The following TMEM132C variants were observed in gnomAD, a reference collection of about 807,000 sequenced individuals.
TMEM132C encodes the protein transmembrane protein 132C, also known as protein phosphatase 1, regulatory subunit 152.
Under a neutral mutation model 61.4 loss-of-function variants are expected in TMEM132C, and 29 were observed. The observed-to-expected ratio is 0.47, with a 90% CI of 0.35 to 0.64. TMEM132C has a LOEUF of 0.64. Ranked by LOEUF, TMEM132C falls within the 30% of genes least tolerant of loss-of-function variation. The probability of loss-of-function intolerance (pLI) is 0.00; values close to 1 mark genes in which losing one functional copy is unlikely to be tolerated. For synonymous variants in TMEM132C, 656 were observed against 633.1 expected (o/e 1.04, Z -0.54); for missense variants, 1,408 against 1,476.9 (o/e 0.95, Z 0.76).
At chr12:128,324,468 G>A (rs777975650) in intron 1 of TMEM132C, among the ~76,000 whole-genome samples, 2 of 152,160 alleles carry the variant, frequency 1.3e-5, no homozygotes, top group African/African-American at 2.4e-5. Context: ...ATCCGTGTAT[G>A]TCTGTCATAG....
chr12:128,512,747 T>C (rs1872604622), intron 2 of TMEM132C, among the ~76,000 whole-genome samples: 2 of 152,152 alleles, frequency 1.3e-5, no homozygotes, highest in Non-Finnish European at 2.9e-5. Flanking sequence ...GTGGCACTGT[T>C]CCGCACCCAC....
intron 1 of TMEM132C, among the ~76,000 whole-genome samples, chr12:128,358,722 G>T (rs1252902293): frequency 6.6e-6 from 1 of 152,032 alleles, no homozygotes; most frequent in Admixed American, 6.6e-5. Flanking sequence ...GGCACTTATA[G>T]TGGGACGATG....
In TMEM132C at chr12:128,469,184, C is replaced by T. The variant is rs560419094; in HGVS notation, c.974+53564C>T. On this transcript the variant is annotated intron_variant, in intron 2 of 8. Coordinates refer to ENST00000435159, the MANE Select transcript of TMEM132C (RefSeq NM_001136103.3). Reference sequence around the variant, plus strand: ...CTGTCTTGGCAGCCTAAGCCATTTCCAGAAGAGATCTGGTGTTTCAGATAA... The same window carrying T: ...CTGTCTTGGCAGCCTAAGCCATTTCTAGAAGAGATCTGGTGTTTCAGATAA... 2.0e-5 allele frequency among the ~76,000 whole-genome samples: 3 copies of T among 152,246 alleles called. No individual in the cohort carries two copies. In the East Asian group the frequency reaches 5.8e-4, roughly 29 times the overall value.
At chr12:128,307,524 A>G (rs1406178783) in intron 1 of TMEM132C, among the ~76,000 whole-genome samples, 1 of 152,170 alleles carries the variant, frequency 6.6e-6, no homozygotes, top group Non-Finnish European at 1.5e-5. Context: ...ATAAATTTCT[A>G]TCAGGTGACA....
At chr12:128,679,789 T>C (rs1162769918) in intron 5 of TMEM132C, among the ~76,000 whole-genome samples, 2 of 152,196 alleles carry the variant, frequency 1.3e-5, no homozygotes, top group Non-Finnish European at 2.9e-5. Context: ...AGTATATAAG[T>C]AAACAAACAT....
At chr12:128,557,267 G>A (rs1874362612) in intron 3 of TMEM132C, among the ~76,000 whole-genome samples, 1 of 152,214 alleles carries the variant, frequency 6.6e-6, no homozygotes, top group Admixed American at 6.5e-5. Context: ...GCCAGAATGA[G>A]GAGTTTCTGC....
chr12:128,314,059 G>T (rs1356949252), intron 1 of TMEM132C, among the ~76,000 whole-genome samples: 1 of 152,134 alleles, frequency 6.6e-6, no homozygotes, highest in Admixed American at 6.5e-5. Flanking sequence ...AATGGTTAGG[G>T]TCCCTGGGAG....
intron 2 of TMEM132C, among the ~76,000 whole-genome samples, chr12:128,422,094 C>G (rs1354906307): frequency 6.6e-6 from 1 of 152,046 alleles, no homozygotes; most frequent in Admixed American, 6.5e-5. Flanking sequence ...GCATTATTTA[C>G]TTTTCCAAGG....
intron 3 of TMEM132C, among the ~76,000 whole-genome samples, chr12:128,557,081 T>C (rs147174101): frequency 4.7e-5 from 7 of 149,076 alleles, no homozygotes; most frequent in African/African-American, 1.6e-4. Context: ...TTTAGTCCTC[T>C]TCTTTATGGT....
intron 8 of TMEM132C, among the ~76,000 whole-genome samples, chr12:128,701,099 C>T (rs1954800457): frequency 6.6e-6 from 1 of 152,094 alleles, no homozygotes; most frequent in Non-Finnish European, 1.5e-5. Flanking sequence ...ACTTGAGGGG[C>T]AAGGGATCTG....
intron 2 of TMEM132C, among the ~76,000 whole-genome samples, chr12:128,495,481 G>T (rs1022706081): frequency 3.9e-5 from 6 of 152,148 alleles, no homozygotes; most frequent in South Asian, 2.1e-4. Flanking sequence ...AAGTCTCTTT[G>T]TAGGTCTCTA....
chr12:128,555,019 G>A (rs1874287352), intron 3 of TMEM132C, among the ~76,000 whole-genome samples: 1 of 152,094 alleles, frequency 6.6e-6, no homozygotes, highest in Non-Finnish European at 1.5e-5. Context: ...CCCCCTCCCT[G>A]GAACAGAAGC....
intron 2 of TMEM132C, among the ~76,000 whole-genome samples, chr12:128,474,472 A>G (rs568759091): frequency 6.6e-6 from 1 of 152,312 alleles, no homozygotes; most frequent in East Asian, 1.9e-4. Context: ...CATAGAAACC[A>G]TTTGCCAAAT....
chr12:128,581,618 A>T (rs1875337023), intron 3 of TMEM132C, among the ~76,000 whole-genome samples: 2 of 152,338 alleles, frequency 1.3e-5, no homozygotes, highest in Middle Eastern at 3.4e-3. Context: ...GATATTAGAC[A>T]CATTTGAGAC....
intron 4 of TMEM132C, among the ~76,000 whole-genome samples, chr12:128,621,010 TG>T (rs1187341352): frequency 6.6e-6 from 1 of 152,070 alleles, no homozygotes; most frequent in Non-Finnish European, 1.5e-5. Context: ...AGACCCTGGA[TG>T]AAGCACGCCA....
Position 128,421,480 on chromosome 12 carries a change from A to G in TMEM132C, c.974+5860A>G, listed in dbSNP as rs117209288. Among the ~76,000 whole-genome samples the G allele has an allele frequency of 6.2e-4, 94 of 152,360 alleles. 1 individual carries two copies. In the East Asian group the frequency reaches 0.015, roughly 25 times the overall value. On this transcript the variant is annotated intron_variant, in intron 2 of 8. Transcript: ENST00000435159. ...CTGAGAAACCCAAAGACTTTCTCCA[A>G]TGGGTCTTCGCACAATGGTTTCACT...
chr12:128,546,765 T>C (rs1873965253), intron 3 of TMEM132C, among the ~76,000 whole-genome samples: 1 of 152,168 alleles, frequency 6.6e-6, no homozygotes, highest in South Asian at 2.1e-4. Flanking sequence ...GCCATTGTGG[T>C]CATGTTGGAC....
rs947860860 is a variant in TMEM132C, at chr12:128,410,071, CAAAT to C, written c.86-4660_86-4657del. Among the ~76,000 whole-genome samples, 17 of 151,788 alleles carry C rather than the reference CAAAT, an allele frequency of 1.1e-4. No individual in the cohort carries two copies. The East Asian group carries it at 3.3e-3, about 29-fold the overall frequency. On this transcript the variant is annotated intron_variant, in intron 1 of 8. Transcript: ENST00000435159. ...CTTATCTTATTACTATTTTTTCCAA[CAAAT>C]GAATAAATATAAACAGGAAAAATCT...
chr12:128,531,868 C>T (rs929958788), intron 2 of TMEM132C, among the ~76,000 whole-genome samples: 2 of 152,204 alleles, frequency 1.3e-5, no homozygotes, highest in Admixed American at 6.5e-5. Context: ...CTGTACCCAG[C>T]CCATAAAGCT....
Sources: gnomAD v4.1 joint callset for allele counts (sites outside exome capture counted in the v4.1 genomes callset) on GRCh38, gnomAD v4.1.1 for gene constraint, MANE v1.5 for transcripts, NCBI Gene and HGNC (gene_info 2026-07-23, HGNC 2026-07-21) for gene names.